The following LMTK2 variants were observed in gnomAD, a reference collection of about 807,000 sequenced individuals.
The protein encoded by LMTK2 is serine/threonine-protein kinase LMTK2.
LMTK2 carries 37 observed loss-of-function variants against 127.5 expected under a neutral mutation model. The observed-to-expected ratio is 0.29, with a 90% CI of 0.22 to 0.38. The LOEUF (loss-of-function observed/expected upper bound fraction) is 0.38. Ranked by LOEUF, LMTK2 falls within the 10% of genes least tolerant of loss-of-function variation. LMTK2 has a pLI of 1.00. For missense variants in LMTK2, 1,694 were observed against 1,920.3 expected, an observed-to-expected ratio of 0.88 and a Z score of 2.20; for synonymous variants, 819 against 810.1, an observed-to-expected ratio of 1.01 and a Z score of -0.19.
Position 98,193,354 on chromosome 7 carries a change from C to T in LMTK2, c.2889C>T (p.Gly963=), listed in dbSNP as rs1208819129. The T allele has an allele frequency of 6.2e-7, 1 of 1,614,198 alleles. No individual in the cohort carries two copies. The highest frequency in any genetic ancestry group is 8.5e-7 in the Non-Finnish European group (1 of 1,180,030). ...LNSKDAAKEA[G]LVSALSSDST... ...CTAAAGACGCAGCAAAAGAAGCAGG[C>T]TTGGTGTCTGCCCTCTCCTCGGACT... Residue 963 remains glycine (G), a synonymous_variant, in exon 11 of 14, where the codon GGC becomes GGT. Coordinates refer to ENST00000297293, the MANE Select transcript of LMTK2 (RefSeq NM_014916.4). The surrounding 1 kb of genome is among the most constrained non-coding windows in gnomAD (Gnocchi z 4.1).
intron 1 of LMTK2, among the ~76,000 whole-genome samples, chr7:98,109,837 G>A (rs181561232): frequency 2.3e-4 from 35 of 151,370 alleles, no homozygotes; most frequent in African/African-American, 6.1e-4. Context: ...ATTGATCCTC[G>A]TTAGCTGAGG....
chr7:98,174,905 C>T (rs1797253345), intron 7 of LMTK2, among the ~76,000 whole-genome samples: 1 of 152,178 alleles, frequency 6.6e-6, no homozygotes, highest in Admixed American at 6.5e-5. Context: ...CTCACTACCG[C>T]CCCAGCAGGA....
intron 4 of LMTK2, among the ~76,000 whole-genome samples, chr7:98,154,070 A>G (rs962649262): frequency 2.0e-5 from 3 of 152,206 alleles, no homozygotes; most frequent in Non-Finnish European, 4.4e-5. Context: ...ATCATTCTCT[A>G]GAGTTCAATA....
intron 11 of LMTK2, among the ~76,000 whole-genome samples, chr7:98,200,103 CTT>C (rs1316636256): frequency 1.3e-5 from 2 of 151,420 alleles, no homozygotes; most frequent in South Asian, 2.1e-4. Flanking sequence ...ACACTGTTCT[CTT>C]TGCGTAGTTT....
In LMTK2 at chr7:98,176,145, A is replaced by G. The variant is rs537889415; in HGVS notation, c.791+4471A>G. Among the ~76,000 whole-genome samples the G allele has an allele frequency of 2.0e-5, 3 of 152,382 alleles. No homozygotes were observed. The East Asian group carries it at 5.8e-4, about 29-fold the overall frequency. On this transcript the variant is annotated intron_variant, in intron 7 of 13. Transcript: ENST00000297293. ...AGATGTGTATTATAAAAATATGTCT[A>G]CATAATTCATTCCATTGACAGAATA...
At chr7:98,164,854 C>T (rs572397575) in intron 6 of LMTK2, among the ~76,000 whole-genome samples, 5 of 152,342 alleles carry the variant, frequency 3.3e-5, no homozygotes, top group African/African-American at 1.2e-4. Context: ...TCTTATTGGT[C>T]AGCAATTTCT....
At position 98,192,184 on chromosome 7, in the gene LMTK2, A is replaced by G; in HGVS notation, c.1719A>G (p.Thr573=). 5.2e-6 allele frequency: 8 copies of G among 1,525,240 alleles called. No homozygotes were observed. The highest frequency in any genetic ancestry group is 7.0e-6 in the Non-Finnish European group (8 of 1,139,694). The allele number at this position is 1,525,240 out of a possible 1,614,324, so 94.5% of individuals were successfully genotyped here. ...TTGATTACCCACCAGCGCTGCTCAC[A>G]ACCGACATGGATAATCCAGAAAGGA... ...LELDYPPALL[T]TDMDNPERTG... Residue 573 remains threonine, a synonymous_variant, in exon 11 of 14, where the codon ACA becomes ACG. Transcript: ENST00000297293.
In LMTK2 at chr7:98,203,664, C is replaced by A. The variant is rs1289106810; in HGVS notation, c.4198C>A (p.Leu1400Met). The A allele has an allele frequency of 6.2e-7, 1 of 1,613,792 alleles. No individual in the cohort carries two copies. The highest frequency in any genetic ancestry group is 8.5e-7 in the Non-Finnish European group (1 of 1,179,982). Residue 1400 changes from leucine to methionine, a missense_variant, in exon 12 of 14, where the codon CTG becomes ATG. This residue lies in a region of LMTK2 where 554 missense variants were observed against 567.7 expected (regional missense o/e 0.98). Coordinates refer to ENST00000297293, the MANE Select transcript of LMTK2 (RefSeq NM_014916.4). The part of the protein sequence containing the change: ...GPAPASGSPY[L>M]SRCINSESST... ...AGCCCCAGCCTCAGGCTCTCCCTAC[C>A]TGAGCAGGTGCATCAACTCCGAAAG...
rs533943095 is a variant in LMTK2 at position 98,143,204 on chromosome 7, C to T, written c.376+1663C>T. Among the ~76,000 whole-genome samples, 20 of 152,292 alleles carry T rather than the reference C, an allele frequency of 1.3e-4. No homozygotes were observed. The South Asian group carries it at 4.1e-3, about 32-fold the overall frequency. On this transcript the variant is annotated intron_variant, in intron 3 of 13. Transcript: ENST00000297293. ...ACTGAAGCCCTGTACCCTAATATCC[C>T]TCTCCGTAGGAAGAAATTATTTTAA...
chr7:98,205,515 G>A lies in LMTK2; in HGVS notation c.*23G>A, dbSNP rs376834738. On this transcript the variant is annotated 3_prime_UTR_variant, in exon 14 of 14. Transcript: ENST00000297293. ...TAGGTGGCTGCCAACGCGCACGCTCGGGTCCGAGGCTGCTCCCCTGGAGCG... is the reference window on the plus strand; with the variant it reads ...TAGGTGGCTGCCAACGCGCACGCTCAGGTCCGAGGCTGCTCCCCTGGAGCG... 6.2e-6 allele frequency: 10 copies of A among 1,611,466 alleles called. No individual in the cohort carries two copies. The highest frequency in any genetic ancestry group is 4.5e-5 in the East Asian group (2 of 44,876).
At chr7:98,198,575 C>T (rs1445980717) in intron 11 of LMTK2, among the ~76,000 whole-genome samples, 2 of 152,176 alleles carry the variant, frequency 1.3e-5, no homozygotes, top group Admixed American at 6.5e-5. Flanking sequence ...CTGCAGCCTC[C>T]ACCTCCCAGG....
At chr7:98,188,889 A>C (rs1797477706) in intron 9 of LMTK2, among the ~76,000 whole-genome samples, 1 of 152,066 alleles carries the variant, frequency 6.6e-6, no homozygotes, top group South Asian at 2.1e-4. Context: ...TCTTTCCTTA[A>C]ATAGCCTTTC....
At chr7:98,153,216 T>C (rs1485186318) in intron 4 of LMTK2, among the ~76,000 whole-genome samples, 1 of 152,014 alleles carries the variant, frequency 6.6e-6, no homozygotes, top group Non-Finnish European at 1.5e-5. Context: ...TCTCGTTTTA[T>C]AGAGTGTATT....
At chr7:98,183,775 T>TCCGCCTGCCTTA (rs2116446474) in intron 7 of LMTK2, among the ~76,000 whole-genome samples, 1 of 152,324 alleles carries the variant, frequency 6.6e-6, no homozygotes, top group Non-Finnish European at 1.5e-5. Flanking sequence ...CCTCGAGTGA[T>TCCGCCTGCCTTA]CCGCCTGCCT....
chr7:98,133,554 ATACTT>A (rs1051723124), intron 1 of LMTK2, among the ~76,000 whole-genome samples: 6 of 152,094 alleles, frequency 3.9e-5, no homozygotes, highest in African/African-American at 1.4e-4. Context: ...CAAAAGAAAA[ATACTT>A]TAAAGTTTTA....
intron 1 of LMTK2, among the ~76,000 whole-genome samples, chr7:98,116,615 A>G (rs533334393): frequency 6.6e-6 from 1 of 152,292 alleles, no homozygotes; most frequent in East Asian, 1.9e-4. Flanking sequence ...GAAACATTGC[A>G]AAGATAGTAC....
chr7:98,172,552 T>A (rs1332297374), intron 7 of LMTK2, among the ~76,000 whole-genome samples: 1 of 152,206 alleles, frequency 6.6e-6, no homozygotes, highest in Admixed American at 6.5e-5. Context: ...TTTCTGCTTA[T>A]TCTCCTCTAG....
At chr7:98,140,131 TTTC>T (rs1167055450) in intron 2 of LMTK2, among the ~76,000 whole-genome samples, 1 of 10,678 alleles carries the variant, frequency 9.4e-5, no homozygotes. Flanking sequence ...TCTTTCTTTC[TTTC>T]TTTCTTTCTT....
At chr7:98,129,771 G>A (rs1479410537) in intron 1 of LMTK2, among the ~76,000 whole-genome samples, 1 of 150,118 alleles carries the variant, frequency 6.7e-6, no homozygotes, top group Non-Finnish European at 1.5e-5. Flanking sequence ...GCTTGCTCAT[G>A]CCCCTTCATC....
Sources: allele counts gnomAD v4.1 joint callset (sites outside exome capture counted in the v4.1 genomes callset), GRCh38; gene constraint gnomAD v4.1.1; regional missense constraint gnomAD v4.1.1; non-coding constraint Gnocchi (gnomAD v3.1); transcripts MANE v1.5; gene names NCBI Gene and HGNC (gene_info 2026-07-23, HGNC 2026-07-21).